Variants in EGFR observed in about 807,000 individuals in gnomAD.
EGFR encodes the protein epidermal growth factor receptor.
A neutral mutation model predicts 143.0 loss-of-function variants in EGFR; 58 were observed. The ratio of observed to expected loss-of-function variants is 0.41; its 90% CI spans 0.33 to 0.50. The LOEUF is 0.50. Among genes scored for constraint, EGFR ranks in the 20% least tolerant of loss-of-function variants. The probability of loss-of-function intolerance (pLI) is 0.39; values close to 1 mark genes in which losing one functional copy is unlikely to be tolerated. For synonymous variants in EGFR, 613 were observed against 594.4 expected, an observed-to-expected ratio of 1.03 and a Z score of -0.45; for missense variants, 1,307 against 1,579.0, an observed-to-expected ratio of 0.83 and a Z score of 2.92.
At chr7:55,167,091 T>G (rs111475701) in intron 15 of EGFR, among the ~76,000 whole-genome samples, 1 of 136,116 alleles carries the variant, frequency 7.3e-6, no homozygotes, top group Non-Finnish European at 1.6e-5. Context: ...GTGATGATGA[T>G]GAGGAGGTGG....
chr7:55,081,886 C>T (rs1454514071), intron 1 of EGFR, among the ~76,000 whole-genome samples: 1 of 152,326 alleles, frequency 6.6e-6, no homozygotes, highest in African/African-American at 2.4e-5. Flanking sequence ...ACATTTTTGA[C>T]CTTACCAAAG....
intron 4 of EGFR, among the ~76,000 whole-genome samples, chr7:55,149,324 T>G (rs1053858345): frequency 1.3e-5 from 2 of 152,034 alleles, no homozygotes; most frequent in Non-Finnish European, 2.9e-5. Flanking sequence ...GCCCAGAACA[T>G]GAGCAGCCTC....
intron 1 of EGFR, among the ~76,000 whole-genome samples, chr7:55,021,380 C>T (rs1278431390): frequency 6.6e-6 from 1 of 152,228 alleles, no homozygotes; most frequent in Non-Finnish European, 1.5e-5. Context: ...ACCAAAGCAT[C>T]ACTTTTCTCC....
In EGFR at chr7:55,160,283, T is replaced by C; in HGVS notation, c.1443T>C (p.Phe481=). 1.2e-6 allele frequency: 2 copies of C among 1,614,044 alleles called. No individual in the cohort carries two copies. The highest frequency in any genetic ancestry group is 1.7e-6 in the Non-Finnish European group (2 of 1,180,000). Residue 481 remains phenylalanine, a synonymous_variant, in exon 12 of 28, where the codon TTT becomes TTC. Coordinates refer to ENST00000275493, the MANE Select transcript of EGFR (RefSeq NM_005228.5). ...YANTINWKKL[F]GTSGQKTKII... is the part of the protein sequence containing the mutation. ...ATACAATAAACTGGAAAAAACTGTT[T>C]GGGACCTCCGGTCAGAAAACCAAAA...
intron 1 of EGFR, among the ~76,000 whole-genome samples, chr7:55,034,251 T>C (rs1787428748): frequency 6.6e-6 from 1 of 152,222 alleles, no homozygotes; most frequent in African/African-American, 2.4e-5. Flanking sequence ...TGTTTTGTAT[T>C]GAGACAGAGT....
chr7:55,086,746 C>T (rs2128892703), intron 1 of EGFR, among the ~76,000 whole-genome samples: 1 of 152,318 alleles, frequency 6.6e-6, no homozygotes, highest in African/African-American at 2.4e-5. Flanking sequence ...CAGCTGGCAG[C>T]CCCATGGGAA....
chr7:55,129,212 TG>T (rs530882001), intron 1 of EGFR, among the ~76,000 whole-genome samples: 2 of 152,124 alleles, frequency 1.3e-5, no homozygotes, highest in Non-Finnish European at 2.9e-5. Flanking sequence ...CAGATCTAGC[TG>T]GGGAGGCCTT....
intron 1 of EGFR, among the ~76,000 whole-genome samples, chr7:55,047,963 T>C (rs900463714): frequency 6.6e-6 from 1 of 152,120 alleles, no homozygotes; most frequent in African/African-American, 2.4e-5. Context: ...GTTTCACATA[T>C]AAATATATAA....
At chr7:55,173,309 T>C (rs979405730) in intron 17 of EGFR, among the ~76,000 whole-genome samples, 185 bp downstream of exon 17, 1 of 152,222 alleles carries the variant, frequency 6.6e-6, no homozygotes, top group Non-Finnish European at 1.5e-5. Flanking sequence ...TCCGAGGAAA[T>C]GGCAATGTTT....
At chr7:55,056,987 A>G (rs1015178375) in intron 1 of EGFR, among the ~76,000 whole-genome samples, 2 of 152,220 alleles carry the variant, frequency 1.3e-5, no homozygotes, top group Admixed American at 6.5e-5. Flanking sequence ...AACAGAGCAG[A>G]GAGTCAGAAT....
rs727504312 is a variant in EGFR, at chr7:55,191,733, G to A, written c.2484G>A (p.Leu828=). The change falls in exon 21 of 28, where the codon TTG becomes TTA. Residue 828 remains leucine, a synonymous_variant. Transcript: ENST00000275493. ...CVQIAKGMNY[L]EDRRLVHRDL... is the part of the protein sequence containing the mutation. ...CTCTGTTTCAGGGCATGAACTACTT[G>A]GAGGACCGTCGCTTGGTGCACCGCG... 6.2e-7 allele frequency: 1 copy of A among 1,613,816 alleles called. No homozygotes were observed. Among genetic ancestry groups the A allele is most frequent in the East Asian group, 2.2e-5 (1 of 44,862 alleles).
At chr7:55,094,418 G>A (rs1379255270) in intron 1 of EGFR, among the ~76,000 whole-genome samples, 1 of 152,222 alleles carries the variant, frequency 6.6e-6, no homozygotes, top group African/African-American at 2.4e-5. Context: ...TGGGGAGACT[G>A]GCCTATCCTG....
At chr7:55,204,231 TACACACACACCAC>T (rs1562809230) in intron 27 of EGFR, among the ~76,000 whole-genome samples, 2 of 128,520 alleles carry the variant, frequency 1.6e-5, no homozygotes, top group African/African-American at 5.9e-5. Context: ...TACACAAACG[TACACACACACCAC>T]ACACACATAC....
chr7:55,198,627 A>T (rs1787719714), intron 22 of EGFR, 90 bp from the exon 23 acceptor site: 9 of 1,590,712 alleles, frequency 5.7e-6, no homozygotes, highest in Non-Finnish European at 7.7e-6. Flanking sequence ...AAACATCAAG[A>T]AACAGTAACC....
At chr7:55,202,319 A>G (rs552735638) in intron 26 of EGFR, among the ~76,000 whole-genome samples, 198 bp from the exon 27 acceptor site, 1 of 152,246 alleles carries the variant, frequency 6.6e-6, no homozygotes. Context: ...GTTCTGCTGT[A>G]CAGCACCCAG....
At chr7:55,031,246 A>C (rs1787227030) in intron 1 of EGFR, among the ~76,000 whole-genome samples, 1 of 152,234 alleles carries the variant, frequency 6.6e-6, no homozygotes. Flanking sequence ...TTGAATAAGT[A>C]AACCCTTCCA....
At chr7:55,169,708 C>A (rs1046887610) in intron 15 of EGFR, among the ~76,000 whole-genome samples, 1 of 152,140 alleles carries the variant, frequency 6.6e-6, no homozygotes, top group Non-Finnish European at 1.5e-5. Flanking sequence ...AGGAGCCCCT[C>A]GCCTTCTGAC....
At chr7:55,147,224 T>C (rs572390888) in intron 4 of EGFR, among the ~76,000 whole-genome samples, 196 of 152,342 alleles carry the variant, frequency 1.3e-3, no homozygotes, top group Middle Eastern at 3.4e-3. Context: ...CTGTCCATGT[T>C]TCCTTGAATA....
rs1276184054 is a variant in EGFR at position 55,201,305 on chromosome 7, G to A, written c.3064G>A (p.Gly1022Ser). ...DADEYLIPQQ[G>S]FFSSPSTSRT... is the part of the protein sequence containing the mutation. ...CGACGAGTACCTCATCCCACAGCAG[G>A]GCTTCTTCAGCAGCCCCTCCACGTC... The change falls in exon 25 of 28, where the codon GGC (glycine) becomes AGC (serine). Residue 1022 changes from glycine (G) to serine (S), a missense_variant. Gly to Ser is a moderately conservative substitution (Grantham distance 56). Around this residue, in one of 7 missense-constraint regions of EGFR, gnomAD observed 313 missense variants for 312.3 expected, o/e 1.00. Transcript: ENST00000275493. 6.2e-7 allele frequency: 1 copy of A among 1,614,010 alleles called. No homozygotes were observed. The highest frequency in any genetic ancestry group is 8.5e-7 in the Non-Finnish European group (1 of 1,180,032).
Sources: gnomAD v4.1 joint callset for allele counts (sites outside exome capture counted in the v4.1 genomes callset) on GRCh38, gnomAD v4.1.1 for gene constraint, gnomAD v4.1.1 regional missense constraint, MANE v1.5 for transcripts, NCBI Gene and HGNC (gene_info 2026-07-23, HGNC 2026-07-21) for gene names.